Variants in TENM3 observed in about 807,000 individuals in gnomAD.
TENM3 encodes the protein teneurin transmembrane protein 3, also known as teneurin-3.
In TENM3, 63 loss-of-function variants were observed where a neutral mutation model predicts 255.1. The observed-to-expected ratio is 0.25, with a 90% CI of 0.20 to 0.30. The LOEUF (loss-of-function observed/expected upper bound fraction) is 0.30, where lower values mean the gene tolerates loss of function less well. TENM3 is among the 10% of genes least tolerant of loss of function. The pLI is 1.00. For synonymous variants in TENM3, 1,306 were observed against 1,322.3 expected (o/e 0.99, Z 0.27); for missense variants, 2,929 against 3,461.1 (o/e 0.85, Z 3.86).
At chr4:182,716,963 C>T (rs1186448851) in intron 13 of TENM3, among the ~76,000 whole-genome samples, 2 of 152,172 alleles carry the variant, frequency 1.3e-5, no homozygotes, top group African/African-American at 2.4e-5. Context: ...AGCAATTGAA[C>T]ACTCCCAATA....
chr4:181,868,259 C>A, the TENM3 span, among the ~76,000 whole-genome samples: 19 of 152,034 alleles, frequency 1.2e-4, no homozygotes, highest in Non-Finnish European at 2.6e-4. Flanking sequence ...TCACACCCCT[C>A]CCACCTCCCT....
the TENM3 span, among the ~76,000 whole-genome samples, chr4:181,907,539 T>C: frequency 3.3e-5 from 5 of 152,166 alleles, no homozygotes; most frequent in African/African-American, 7.2e-5. Context: ...TTGTAAATCC[T>C]GGCCAGAGTC....
the TENM3 span, among the ~76,000 whole-genome samples, chr4:182,095,910 A>G: frequency 6.6e-6 from 1 of 152,116 alleles, no homozygotes; most frequent in South Asian, 2.1e-4. Context: ...ATTGAAGGAA[A>G]GAAAAGGAAA....
chr4:182,183,575 T>G (rs1013170103), intron 1 of TENM3, among the ~76,000 whole-genome samples: 1 of 152,202 alleles, frequency 6.6e-6, no homozygotes, highest in South Asian at 2.1e-4. Flanking sequence ...TTCCTTTCCT[T>G]CTTTTCTAGT....
the TENM3 span, among the ~76,000 whole-genome samples, chr4:181,817,384 T>C: frequency 6.6e-6 from 1 of 152,146 alleles, no homozygotes; most frequent in Non-Finnish European, 1.5e-5. Context: ...GCCAGAAATA[T>C]CTGTAGACAT....
At chr4:182,275,337 C>T (rs1206196310) in intron 1 of TENM3, among the ~76,000 whole-genome samples, 1 of 152,160 alleles carries the variant, frequency 6.6e-6, no homozygotes, top group Non-Finnish European at 1.5e-5. Flanking sequence ...AGCTTGGGAG[C>T]TCTTCAAGGG....
intron 3 of TENM3, among the ~76,000 whole-genome samples, chr4:182,447,705 G>A (rs1355927868): frequency 6.6e-6 from 1 of 152,172 alleles, no homozygotes; most frequent in African/African-American, 2.4e-5. Context: ...AAGATATGTT[G>A]TTGATACTGG....
At chr4:182,188,330 C>T (rs984113474) in intron 1 of TENM3, among the ~76,000 whole-genome samples, 1 of 152,012 alleles carries the variant, frequency 6.6e-6, no homozygotes, top group Non-Finnish European at 1.5e-5. Context: ...ATTTGGATGC[C>T]TCTTCTCAAA....
At chr4:182,331,296 A>T (rs552603243) in intron 2 of TENM3, among the ~76,000 whole-genome samples, 1 of 152,320 alleles carries the variant, frequency 6.6e-6, no homozygotes, top group African/African-American at 2.4e-5. Flanking sequence ...CTGTAATCCC[A>T]GCACTTTGGG....
Position 182,792,483 on chromosome 4 carries a change from A to G in TENM3, c.5811A>G (p.Thr1937=). 6.2e-7 allele frequency: 1 copy of G among 1,614,046 alleles called. No homozygotes were observed. Among genetic ancestry groups the G allele is most frequent in the Non-Finnish European group, 8.5e-7 (1 of 1,179,910 alleles). ...DYNEEGLLLQ[T]AFLGTSRRVL... is the part of the protein sequence containing the mutation. The stretch of plus-strand genomic sequence containing the variant: ...ACGAGGAAGGGCTGCTTCTACAAAC[A>G]GCTTTCTTGGGTACAAGTCGGAGGG... Residue 1937 remains threonine, a synonymous_variant, in exon 26 of 28, where the codon ACA becomes ACG. Transcript: ENST00000511685. The surrounding 1 kb of genome is among the most constrained non-coding windows in gnomAD (Gnocchi z 6.3).
Position 182,628,683 on chromosome 4 carries a change from C to G in TENM3, c.782C>G (p.Thr261Arg), listed in dbSNP as rs776198889. The change falls in exon 5 of 28, where the codon ACG (threonine) becomes AGG (arginine). Residue 261 changes from threonine to arginine, a missense_variant. Thr to Arg is a moderately conservative substitution (Grantham distance 71). Transcript: ENST00000511685. ...HFLFKTGTGT[T>R]PLFSTATPGY... is the part of the protein sequence containing the mutation. ...CTATTCAAAACAGGAACAGGTACAA[C>G]GCCACTGTTCAGTACTGCAACCCCA... is the stretch of plus-strand genomic sequence containing the variant. 1.2e-6 allele frequency: 2 copies of G among 1,600,696 alleles called. No homozygotes were observed. The highest frequency in any genetic ancestry group is 1.7e-6 in the Non-Finnish European group (2 of 1,173,102).
Position 182,630,855 on chromosome 4 carries a change from C to T in TENM3, c.988+1966C>T, listed in dbSNP as rs1014401506. Among the ~76,000 whole-genome samples, 39 of 151,804 alleles carry T rather than the reference C, an allele frequency of 2.6e-4. 2 individuals are homozygous for T. Among genetic ancestry groups the T allele is most frequent in the Non-Finnish European group, 1.5e-5 (1 of 67,968 alleles). On this transcript the variant is annotated intron_variant, in intron 5 of 27. Coordinates refer to ENST00000511685, the MANE Select transcript of TENM3 (RefSeq NM_001080477.4). ...GTGTCAGGTTGACTGGTCAGGCATC[C>T]TTTCTGATTGATAAGTGCCTGTGTG...
intron 12 of TENM3, among the ~76,000 whole-genome samples, chr4:182,692,585 C>G (rs542922409): frequency 6.6e-6 from 1 of 152,276 alleles, no homozygotes. Context: ...AAGTTGTCTT[C>G]TGGAGGCTGA....
At chr4:182,657,933 G>C (rs535413250) in intron 6 of TENM3, among the ~76,000 whole-genome samples, 2 of 152,342 alleles carry the variant, frequency 1.3e-5, no homozygotes, top group East Asian at 3.9e-4. Context: ...TAGGATTATT[G>C]GCGTGAGCCA....
chr4:182,109,118 T>C, the TENM3 span, among the ~76,000 whole-genome samples: 1 of 147,880 alleles, frequency 6.8e-6, no homozygotes, highest in Admixed American at 6.8e-5. Context: ...AAGAATTTCA[T>C]ATTAGGTTGA....
chr4:181,761,026 T>A, the TENM3 span, among the ~76,000 whole-genome samples: 4 of 138,416 alleles, frequency 2.9e-5, no homozygotes, highest in Non-Finnish European at 1.5e-5. Context: ...CGAATAATCA[T>A]TTTGGTAAGT....
In TENM3 at chr4:182,161,911, AC is replaced by A. The variant is rs1561154306; in HGVS notation, c.-76+17158del. On this transcript the variant is annotated intron_variant, in intron 1 of 2. Coordinates refer to the TENM3 transcript ENST00000512480. ...CACATATATGTGTATATATACACAC[AC>A]ATGTATGTGTATATATATACACATA... is the stretch of plus-strand genomic sequence containing the variant. Among the ~76,000 whole-genome samples the A allele has an allele frequency of 6.3e-4, 23 of 36,304 alleles. 4 individuals are homozygous for A. The highest frequency in any genetic ancestry group is 1.6e-3 in the African/African-American group (17 of 10,700). The allele number at this position is 36,304 out of a possible 152,430, so 23.8% of individuals were successfully genotyped here.
chr4:182,536,395 T>C (rs931536273), intron 3 of TENM3, among the ~76,000 whole-genome samples: 23 of 152,262 alleles, frequency 1.5e-4, no homozygotes, highest in Admixed American at 3.3e-4. Context: ...ATGCCTCTAC[T>C]GGGCGCCGGA....
At chr4:181,458,976 A>G in the TENM3 span, among the ~76,000 whole-genome samples, 1 of 152,012 alleles carries the variant, frequency 6.6e-6, no homozygotes, top group African/African-American at 2.4e-5. Context: ...GAAACTGCCA[A>G]ATTACTTTCC....
Sources: allele counts gnomAD v4.1 joint callset (sites outside exome capture counted in the v4.1 genomes callset), GRCh38; gene constraint gnomAD v4.1.1; non-coding constraint Gnocchi (gnomAD v3.1); transcripts MANE v1.5; gene names NCBI Gene and HGNC (gene_info 2026-07-23, HGNC 2026-07-21).